VAC14: variants seen among roughly 807,000 people sequenced by gnomAD.
VAC14 encodes protein VAC14 homolog.
In VAC14, 47 loss-of-function variants were observed where a neutral mutation model predicts 85.3. The observed-to-expected ratio is 0.55, with a 90% CI of 0.44 to 0.70. The LOEUF (loss-of-function observed/expected upper bound fraction) is 0.70, where lower values mean the gene tolerates loss of function less well. Ranked by LOEUF, VAC14 falls within the 30% of genes least tolerant of loss-of-function variation. VAC14 has a pLI of 0.00. For synonymous variants in VAC14, 447 were observed against 430.5 expected (o/e 1.04, Z -0.47); for missense variants, 861 against 1,004.3 (o/e 0.86, Z 1.93).
At chr16:70,721,152 G>A (rs1235238629) in intron 14 of VAC14, among the ~76,000 whole-genome samples, 1 of 152,234 alleles carries the variant, frequency 6.6e-6, no homozygotes, top group Non-Finnish European at 1.5e-5. Context: ...GCTCCTGGGA[G>A]AGTATGCCGG....
intron 6 of VAC14, 37 bp downstream of exon 6, chr16:70,783,408 C>A (rs2033905032): frequency 1.3e-6 from 2 of 1,599,682 alleles, no homozygotes; most frequent in Admixed American, 3.3e-5. Context: ...CTGGGGGTGG[C>A]AGGAGGCAGC....
intron 14 of VAC14, among the ~76,000 whole-genome samples, chr16:70,723,193 T>C (rs973051095): frequency 6.6e-6 from 1 of 151,884 alleles, no homozygotes; most frequent in African/African-American, 2.4e-5. Flanking sequence ...CAGCACTTGA[T>C]TCTGGGTGAC....
chr16:70,718,710 T>C (rs890872939), intron 14 of VAC14, among the ~76,000 whole-genome samples: 1 of 152,004 alleles, frequency 6.6e-6, no homozygotes, highest in Non-Finnish European at 1.5e-5. Flanking sequence ...GCTCCCCAAC[T>C]CCACGTGGGG....
At chr16:70,714,861 T>C (rs1438426422) in intron 14 of VAC14, 1 of 152,150 alleles carries the variant, frequency 6.6e-6, no homozygotes, top group Non-Finnish European at 1.5e-5. Flanking sequence ...GAGGAGAGTG[T>C]GTAGGGCCAC....
chr16:70,756,169 C>G, intron 12 of VAC14: 4 of 447,034 alleles, frequency 8.9e-6, no homozygotes, highest in Non-Finnish European at 1.4e-5. Flanking sequence ...AGGGCTGCTT[C>G]TGCCCTGAGG....
chr16:70,709,739 C>T (rs959765145), intron 14 of VAC14, among the ~76,000 whole-genome samples: 11 of 152,196 alleles, frequency 7.2e-5, no homozygotes, highest in African/African-American at 2.7e-4. Context: ...GGGAGTCAGG[C>T]CAGCTACTGC....
At chr16:70,757,409 G>A (rs1313615630) in intron 12 of VAC14, among the ~76,000 whole-genome samples, 1 of 152,232 alleles carries the variant, frequency 6.6e-6, no homozygotes, top group South Asian at 2.1e-4. Context: ...CTAATGAGTA[G>A]AGCTCATGCT....
At position 70,790,461 on chromosome 16, in the gene VAC14, T is replaced by C. The variant is rs1053907684; in HGVS notation, c.105-4096A>G. 2.0e-5 allele frequency among the ~76,000 whole-genome samples: 3 copies of C among 152,294 alleles called. No homozygotes were observed. In the East Asian group the frequency reaches 5.8e-4, roughly 29 times the overall value. On this transcript the variant is annotated intron_variant, in intron 1 of 18. Transcript: ENST00000261776. The stretch of plus-strand genomic sequence containing the variant: ...GGCACTGGCATTTAGCCCCGGTGGA[T>C]GTGAGGAGCTGCAGAAGACCATGAG...
chr16:70,753,009 GGGGTGTGTGT>G (rs1240684811), intron 12 of VAC14, among the ~76,000 whole-genome samples: 4 of 136,668 alleles, frequency 2.9e-5, no homozygotes, highest in Admixed American at 7.0e-5. Context: ...GCAGGAGGAG[GGGGTGTGTGT>G]GTGTGTGTGT....
At chr16:70,768,941 C>T (rs970021367) in intron 10 of VAC14, 4 of 354,770 alleles carry the variant, frequency 1.1e-5, no homozygotes, top group African/African-American at 2.3e-5. Context: ...GCTAGGAGTA[C>T]AGGTAAGTGC....
At position 70,782,076 on chromosome 16, in the gene VAC14, C is replaced by T. The variant is rs532780425; in HGVS notation, c.812-73G>A. 1,563 of 1,563,812 alleles carry T rather than the reference C, an allele frequency of 1.0e-3. 3 individuals carry two copies. Among genetic ancestry groups the T allele is most frequent in the Middle Eastern group, 4.7e-3 (22 of 4,682 alleles). ...AGTGCTCCCTCCCATTGACCATACA[C>T]GTGGGATGGGGCTGGCGGCCTGTGG... is the stretch of plus-strand genomic sequence containing the variant. On this transcript the variant is annotated intron_variant, in intron 7 of 18. Coordinates refer to ENST00000261776, the MANE Select transcript of VAC14 (RefSeq NM_018052.5).
At chr16:70,696,925 C>T in intron 16 of VAC14, 3 of 502,734 alleles carry the variant, frequency 6.0e-6, no homozygotes, top group East Asian at 3.8e-5. Flanking sequence ...AGCTCCCCCT[C>T]CAAGAGCCCC....
rs376975853 is a variant in VAC14 at position 70,762,653 on chromosome 16, G to A, written c.1306-48C>T. The stretch of plus-strand genomic sequence containing the variant: ...TGCCCGTGAGTGCTCCCTTCGCCCC[G>A]GGACTACGTGCAGTGCAGTGTCCCG... On this transcript the variant is annotated intron_variant, in intron 11 of 18. Coordinates refer to ENST00000261776, the MANE Select transcript of VAC14 (RefSeq NM_018052.5). The surrounding 1 kb of genome is among the most constrained non-coding windows in gnomAD (Gnocchi z 4.1). 6.5e-5 allele frequency: 103 copies of A among 1,596,018 alleles called. No individual in the cohort carries two copies. The African/African-American group carries it at 9.5e-4, about 15-fold the overall frequency.
chr16:70,784,027 T>C, intron 5 of VAC14, 86 bp downstream of exon 5: 2 of 1,095,708 alleles, frequency 1.8e-6, no homozygotes, highest in Admixed American at 1.8e-5. Flanking sequence ...GGAGGGTTCC[T>C]ATAGCCAAAG....
intron 1 of VAC14, among the ~76,000 whole-genome samples, chr16:70,793,293 C>T (rs1416158498): frequency 1.3e-5 from 2 of 152,196 alleles, no homozygotes; most frequent in Admixed American, 1.3e-4. Flanking sequence ...CAGCTGAGTA[C>T]TTACTATTTG....
intron 8 of VAC14, 134 bp downstream of exon 8, chr16:70,781,735 T>C: frequency 7.8e-7 from 1 of 1,277,672 alleles, no homozygotes. Context: ...GCTCCATCTC[T>C]TTTTCCCGAG....
Position 70,783,538 on chromosome 16 carries a change from G to A in VAC14, c.611C>T (p.Ser204Leu), listed in dbSNP as rs1382669923. 6 of 1,613,796 alleles carry A rather than the reference G, an allele frequency of 3.7e-6. No homozygotes were observed. The highest frequency in any genetic ancestry group is 5.1e-6 in the Non-Finnish European group (6 of 1,180,024). ...FIISWILVLESVPDINLLDYL... is the reference protein window; with the variant it reads ...FIISWILVLELVPDINLLDYL... ...ATCCAGCAGGTTAATGTCTGGCACCGACTCCAGAACCAGGATCTGACCAGG... is the reference window on the plus strand; with the variant it reads ...ATCCAGCAGGTTAATGTCTGGCACCAACTCCAGAACCAGGATCTGACCAGG... The change falls in exon 6 of 19, where the codon TCG becomes TTG. Residue 204 changes from serine to leucine, a missense_variant. By Grantham distance (145) the Ser-to-Leu change is moderately radical (BLOSUM62 -2). This residue lies in a region of VAC14 where 629 missense variants were observed against 703.1 expected (regional missense o/e 0.89). Coordinates refer to ENST00000261776, the MANE Select transcript of VAC14 (RefSeq NM_018052.5).
At chr16:70,706,256 T>C (rs2053918298) in intron 14 of VAC14, among the ~76,000 whole-genome samples, 1 of 152,236 alleles carries the variant, frequency 6.6e-6, no homozygotes, top group Non-Finnish European at 1.5e-5. Context: ...CAGGTAGTCC[T>C]GGCTCCAGGT....
At chr16:70,765,106 TC>T (rs1783207819) in intron 10 of VAC14, among the ~76,000 whole-genome samples, 1 of 151,942 alleles carries the variant, frequency 6.6e-6, no homozygotes, top group Non-Finnish European at 1.5e-5. Context: ...CCCAACCTGG[TC>T]TTTCCTGACC....
Sources: allele counts gnomAD v4.1 joint callset (sites outside exome capture counted in the v4.1 genomes callset), GRCh38; gene constraint gnomAD v4.1.1; regional missense constraint gnomAD v4.1.1; non-coding constraint Gnocchi (gnomAD v3.1); transcripts MANE v1.5; gene names NCBI Gene and HGNC (gene_info 2026-07-23, HGNC 2026-07-21).